The following PIAS1 variants were observed in gnomAD, a reference collection of about 807,000 sequenced individuals.
PIAS1 encodes the protein E3 SUMO-protein ligase PIAS1.
A neutral mutation model predicts 71.3 loss-of-function variants in PIAS1; 6 were observed. That is an observed-to-expected ratio of 0.08 (90% CI 0.05 to 0.17). The LOEUF is 0.17. PIAS1 is among the 10% of genes least tolerant of loss of function. The pLI, the probability that PIAS1 is intolerant of heterozygous loss-of-function variation, is 1.00. For synonymous variants in PIAS1, 303 were observed against 292.9 expected, an observed-to-expected ratio of 1.03 and a Z score of -0.35; for missense variants, 555 against 793.6, an observed-to-expected ratio of 0.70 and a Z score of 3.61.
chr15:68,159,544 T>C lies in PIAS1; in HGVS notation c.935-5187T>C, dbSNP rs575872453. ...CTCTGTAGTTTTGTCTTTTCCAGAA[T>C]GTCAGGTAAATGCAATCCTACAATA... On this transcript the variant is annotated intron_variant, in intron 7 of 13. Coordinates refer to ENST00000249636, the MANE Select transcript of PIAS1 (RefSeq NM_016166.3). 2.6e-5 allele frequency among the ~76,000 whole-genome samples: 4 copies of C among 152,326 alleles called. No homozygotes were observed. The South Asian group carries it at 8.3e-4, about 32-fold the overall frequency.
intron 1 of PIAS1, among the ~76,000 whole-genome samples, chr15:68,072,141 G>C (rs1311443083): frequency 6.6e-6 from 1 of 151,610 alleles, no homozygotes; most frequent in African/African-American, 2.4e-5. Context: ...GTTCATGCCT[G>C]TAATCCCAGC....
chr15:68,060,719 T>G (rs2091949040), intron 1 of PIAS1, among the ~76,000 whole-genome samples: 1 of 151,598 alleles, frequency 6.6e-6, no homozygotes, highest in Non-Finnish European at 1.5e-5. Context: ...CAAAACAAAG[T>G]GTTGCCATTT....
At chr15:68,085,220 T>C (rs548258264) in intron 1 of PIAS1, among the ~76,000 whole-genome samples, 3 of 152,256 alleles carry the variant, frequency 2.0e-5, no homozygotes, top group Admixed American at 2.0e-4. Context: ...CATGTGTCTT[T>C]TTATCCTAAT....
rs11313083 is a variant in PIAS1 at position 68,106,351 on chromosome 15, CAAAAAAAAAAAA to C, written c.469+19611_469+19622del. 3.2e-5 allele frequency among the ~76,000 whole-genome samples: 3 copies of C among 92,846 alleles called. No individual in the cohort carries two copies. The East Asian group carries it at 1.0e-3, about 31-fold the overall frequency. 60.9% of individuals were successfully genotyped at this position (92,846 alleles called of 152,430 possible). A position where few individuals can be genotyped will look rare whatever the true frequency, so the allele number is the denominator to read the frequency against. ...GTGCTCATGATGAAAATGACCTTTG[CAAAAAAAAAAAA>C]AAAAAAAAAGAATAAACAAAAGAAA... is the stretch of plus-strand genomic sequence containing the variant. On this transcript the variant is annotated intron_variant, in intron 2 of 13. Transcript: ENST00000249636.
intron 1 of PIAS1, among the ~76,000 whole-genome samples, chr15:68,070,896 C>T (rs371316548): frequency 6.6e-6 from 1 of 152,106 alleles, no homozygotes; most frequent in African/African-American, 2.4e-5. Flanking sequence ...GTTGGGATTA[C>T]AGGCATGAGC....
At chr15:68,061,601 A>G (rs1357247660) in intron 1 of PIAS1, among the ~76,000 whole-genome samples, 1 of 152,220 alleles carries the variant, frequency 6.6e-6, no homozygotes, top group Non-Finnish European at 1.5e-5. Context: ...TAACTCTCAT[A>G]GGACTGTTGT....
intron 7 of PIAS1, among the ~76,000 whole-genome samples, chr15:68,157,338 CT>C (rs147190446): frequency 2.6e-5 from 4 of 152,154 alleles, no homozygotes; most frequent in Non-Finnish European, 5.9e-5. Context: ...TGTCAAGACT[CT>C]TTTATCTTTT....
At chr15:68,102,747 A>G (rs976676795) in intron 2 of PIAS1, among the ~76,000 whole-genome samples, 33 of 151,962 alleles carry the variant, frequency 2.2e-4, no homozygotes, top group Non-Finnish European at 4.4e-4. Flanking sequence ...TAGTTCTAGG[A>G]AGTTTTTTGT....
At position 68,189,751 on chromosome 15, in the gene PIAS1, A is replaced by AAAAC. The variant is rs2093110234; in HGVS notation, c.*1919_*1922dup. On this transcript the variant is annotated 3_prime_UTR_variant, in exon 14 of 14. Transcript: ENST00000249636. ...ACACAAATGGCTGAGTTATAGTCAT[A>AAAAC]AAACAATTTGCAATAAAAAAAAAAC... 2 of 152,292 alleles carry AAAAC rather than the reference A, an allele frequency of 1.3e-5. No homozygotes were observed. The highest frequency in any genetic ancestry group is 4.8e-5 in the African/African-American group (2 of 41,546). The allele number at this position is 152,292 out of a possible 1,614,324, so 9.4% of individuals were successfully genotyped here.
In PIAS1 at chr15:68,142,353, T is replaced by A; in HGVS notation, c.602+16T>A. ...TCCAGTTAAGGTACAGTGCTGACTA[T>A]AGGATATATTCAAAGTTTAAAAGAT... On this transcript the variant is annotated intron_variant, in intron 4 of 13. Transcript: ENST00000249636. 6.4e-7 allele frequency: 1 copy of A among 1,565,304 alleles called. No individual in the cohort carries two copies. Among genetic ancestry groups the A allele is most frequent in the Non-Finnish European group, 8.8e-7 (1 of 1,136,416 alleles).
intron 1 of PIAS1, among the ~76,000 whole-genome samples, chr15:68,072,484 G>A (rs1469851152): frequency 6.8e-6 from 1 of 147,648 alleles, no homozygotes; most frequent in African/African-American, 2.5e-5. Context: ...TTGAAACTAT[G>A]TATGGAGTCT....
chr15:68,078,038 A>G lies in PIAS1; in HGVS notation c.25-8268A>G, dbSNP rs192476937. 4.7e-4 allele frequency among the ~76,000 whole-genome samples: 71 copies of G among 152,354 alleles called. No homozygotes were observed. In the East Asian group the frequency reaches 9.4e-3, roughly 20 times the overall value. ...TTGTCTCTTGTCTTATCTGAAACTT[A>G]GATCATCTAATTGCAAATGCAGTGT... On this transcript the variant is annotated intron_variant, in intron 1 of 13. Coordinates refer to ENST00000249636, the MANE Select transcript of PIAS1 (RefSeq NM_016166.3).
In PIAS1 at chr15:68,153,576, C is replaced by CTT; in HGVS notation, c.829-6_829-5dup. The CTT allele has an allele frequency of 1.7e-6, 2 of 1,172,848 alleles. No homozygotes were observed. Among genetic ancestry groups the CTT allele is most frequent in the Non-Finnish European group, 1.2e-6 (1 of 809,474 alleles). The allele number at this position is 1,172,848 out of a possible 1,614,324, so 72.7% of individuals were successfully genotyped here. A position where few individuals can be genotyped will look rare whatever the true frequency, so the allele number is the denominator to read the frequency against. ...TACATATGTTGTTTGTTTTCTACTTCTTTTTTTTTCCAGAACTATTCCATG... is the reference window on the plus strand; with the variant it reads ...TACATATGTTGTTTGTTTTCTACTTCTTTTTTTTTTTCCAGAACTATTCCATG... On this transcript the variant is annotated splice_polypyrimidine_tract_variant and intron_variant, in intron 6 of 13. Transcript: ENST00000249636.
At chr15:68,175,802 C>CGGG in intron 10 of PIAS1, 35 bp downstream of exon 10, 1 of 1,527,388 alleles carries the variant, frequency 6.5e-7, no homozygotes. Flanking sequence ...GGCAGTCTCC[C>CGGG]TACTGCTCTA....
At chr15:68,064,971 G>A (rs113705865) in intron 1 of PIAS1, among the ~76,000 whole-genome samples, 3,349 of 151,986 alleles carry the variant, frequency 0.022, 122 homozygotes, top group African/African-American at 0.076. Flanking sequence ...TCTCGAAGTC[G>A]GGGGCTCCAG....
intron 2 of PIAS1, among the ~76,000 whole-genome samples, chr15:68,104,326 T>C (rs1370699536): frequency 6.6e-6 from 1 of 152,198 alleles, no homozygotes; most frequent in African/African-American, 2.4e-5. Context: ...GAATTATACT[T>C]TGTTTCTCTT....
chr15:68,073,202 A>G (rs1398078806), intron 1 of PIAS1, among the ~76,000 whole-genome samples: 3 of 152,046 alleles, frequency 2.0e-5, no homozygotes, highest in Non-Finnish European at 4.4e-5. Context: ...ATTTTTTAGT[A>G]GAGACGGGGT....
intron 2 of PIAS1, among the ~76,000 whole-genome samples, chr15:68,119,817 A>G (rs984946508): frequency 7.9e-5 from 12 of 152,176 alleles, no homozygotes; most frequent in Non-Finnish European, 1.6e-4. Flanking sequence ...TTGTAGTTCT[A>G]TCAGTTTTTG....
chr15:68,069,007 T>C (rs2140962602), intron 1 of PIAS1, among the ~76,000 whole-genome samples: 1 of 150,648 alleles, frequency 6.6e-6, no homozygotes, highest in South Asian at 2.1e-4. Context: ...GCCATTCTCC[T>C]GGCTCAGCTG....
Sources: allele counts gnomAD v4.1 joint callset (sites outside exome capture counted in the v4.1 genomes callset), GRCh38; gene constraint gnomAD v4.1.1; transcripts MANE v1.5; gene names NCBI Gene and HGNC (gene_info 2026-07-23, HGNC 2026-07-21).